Variants in PSME4 observed in about 807,000 individuals in gnomAD.
The protein encoded by PSME4 is proteasome activator complex subunit 4.
In PSME4, 89 loss-of-function variants were observed where a neutral mutation model predicts 253.9. The ratio of observed to expected loss-of-function variants is 0.35; its 90% CI spans 0.30 to 0.42. The LOEUF (loss-of-function observed/expected upper bound fraction) is 0.42. PSME4 is among the 10% of genes least tolerant of loss of function. PSME4 has a pLI of 1.00. For missense variants in PSME4, 2,014 were observed against 2,195.2 expected (o/e 0.92, Z 1.65); for synonymous variants, 851 against 759.2 (o/e 1.12, Z -1.99).
intron 43 of PSME4, among the ~76,000 whole-genome samples, chr2:53,872,914 G>A (rs1573189480): frequency 6.6e-6 from 1 of 150,882 alleles, no homozygotes; most frequent in South Asian, 2.1e-4. Context: ...AAAAATCACA[G>A]CTGTAAATAT....
At chr2:53,951,244 G>A (rs746777202) in intron 1 of PSME4, among the ~76,000 whole-genome samples, 2 of 152,046 alleles carry the variant, frequency 1.3e-5, no homozygotes, top group African/African-American at 4.8e-5. Context: ...CACCACGCCC[G>A]GCTAATTTTT....
chr2:53,969,103 AG>A (rs1255165710), intron 1 of PSME4, among the ~76,000 whole-genome samples: 1 of 152,218 alleles, frequency 6.6e-6, no homozygotes. Flanking sequence ...AAAACCTAGG[AG>A]TCTCACTTGA....
intron 41 of PSME4, among the ~76,000 whole-genome samples, chr2:53,882,875 T>C (rs576907541): frequency 6.7e-6 from 1 of 149,292 alleles, no homozygotes; most frequent in South Asian, 2.1e-4. Flanking sequence ...AACAACTGTG[T>C]AGGAAAATAA....
rs1669179586 is a variant in PSME4, at chr2:53,937,545, T to C, written c.546-5A>G. The C allele has an allele frequency of 1.2e-6, 2 of 1,607,798 alleles. No homozygotes were observed. Among genetic ancestry groups the C allele is most frequent in the African/African-American group, 1.3e-5 (1 of 74,318 alleles). ...GTGGCATCTGCTGGAAAATATCTAA[T>C]AAAAAAAGAAGGTTTTCATGTATCT... On this transcript the variant is annotated splice_polypyrimidine_tract_variant and splice_region_variant and intron_variant, in intron 4 of 46. Coordinates refer to ENST00000404125, the MANE Select transcript of PSME4 (RefSeq NM_014614.3).
intron 41 of PSME4, among the ~76,000 whole-genome samples, chr2:53,882,373 C>T (rs1422674043): frequency 1.3e-5 from 2 of 152,150 alleles, no homozygotes; most frequent in Non-Finnish European, 1.5e-5. Flanking sequence ...AATTTAAACT[C>T]TTGCTATTTG....
chr2:53,932,192 A>T, intron 9 of PSME4, 92 bp from the exon 10 acceptor site: 1 of 1,189,894 alleles, frequency 8.4e-7, no homozygotes, highest in South Asian at 1.5e-5. Flanking sequence ...AAAAGATTTT[A>T]AAAATAACAG....
intron 43 of PSME4, among the ~76,000 whole-genome samples, chr2:53,873,389 TA>T (rs562781407): frequency 1.1e-3 from 161 of 152,284 alleles, no homozygotes; most frequent in African/African-American, 3.6e-3. Flanking sequence ...GAGTAAAATC[TA>T]TTTTCAATAC....
chr2:53,943,658 T>C (rs897493966), intron 3 of PSME4, among the ~76,000 whole-genome samples: 3 of 151,912 alleles, frequency 2.0e-5, no homozygotes, highest in Admixed American at 2.0e-4. Context: ...CTGGCCAACA[T>C]GATGAAACCC....
intron 32 of PSME4, among the ~76,000 whole-genome samples, chr2:53,896,293 T>C (rs1182243356): frequency 1.3e-5 from 2 of 152,158 alleles, no homozygotes; most frequent in Non-Finnish European, 1.5e-5. Flanking sequence ...GTACTTTATA[T>C]GAAAAAAATT....
intron 42 of PSME4, among the ~76,000 whole-genome samples, chr2:53,874,860 G>A (rs550619646): frequency 2.0e-5 from 3 of 152,226 alleles, no homozygotes; most frequent in Non-Finnish European, 4.4e-5. Flanking sequence ...CAAGAGAATC[G>A]CATGAACCTG....
intron 24 of PSME4, 178 bp downstream of exon 24, chr2:53,908,142 T>C (rs906561579): frequency 7.2e-6 from 4 of 552,294 alleles, no homozygotes; most frequent in African/African-American, 1.9e-5. Flanking sequence ...AAGAAAAATA[T>C]ATTTTTTGCT....
intron 36 of PSME4, among the ~76,000 whole-genome samples, chr2:53,891,269 A>AT (rs1034977151): frequency 6.6e-6 from 1 of 152,196 alleles, no homozygotes; most frequent in Admixed American, 6.5e-5. Flanking sequence ...CAGAGACTGC[A>AT]TTTACACACA....
intron 41 of PSME4, among the ~76,000 whole-genome samples, chr2:53,882,795 C>T (rs180701080): frequency 2.6e-5 from 4 of 151,882 alleles, no homozygotes; most frequent in Admixed American, 6.6e-5. Flanking sequence ...GACATGGAAA[C>T]GTACATACAA....
At position 53,923,423 on chromosome 2, in the gene PSME4, T is replaced by C. The variant is rs1205949663; in HGVS notation, c.1810-4A>G. On this transcript the variant is annotated splice_region_variant and splice_polypyrimidine_tract_variant and intron_variant, in intron 14 of 46. Transcript: ENST00000404125. ...TAAAAACCTTCTGAAGGGCCACCTG[T>C]TAAGATATGAAAATGTTTAATGAGC... 1.3e-6 allele frequency: 2 copies of C among 1,587,166 alleles called. No homozygotes were observed. The highest frequency in any genetic ancestry group is 1.7e-6 in the Non-Finnish European group (2 of 1,171,368).
At chr2:53,875,541 G>A (rs987216295) in intron 42 of PSME4, 86 bp downstream of exon 42, 29 of 1,268,050 alleles carry the variant, frequency 2.3e-5, no homozygotes, top group African/African-American at 7.7e-5. Flanking sequence ...AAAACTAGGC[G>A]CTGTGTGCAC....
chr2:53,967,861 A>G (rs144358734), intron 1 of PSME4, among the ~76,000 whole-genome samples: 235 of 152,210 alleles, frequency 1.5e-3, no homozygotes, highest in African/African-American at 5.4e-3. Flanking sequence ...AACTGTTTCC[A>G]GTATTTTACA....
At chr2:53,928,054 T>A in intron 11 of PSME4, 63 bp downstream of exon 11, 1 of 1,322,668 alleles carries the variant, frequency 7.6e-7, no homozygotes, top group African/African-American at 1.5e-5. Flanking sequence ...CAACCTTTTG[T>A]CACTGAGAAG....
chr2:53,961,084 G>T (rs1374974098), intron 1 of PSME4, among the ~76,000 whole-genome samples: 2 of 152,190 alleles, frequency 1.3e-5, no homozygotes, highest in African/African-American at 4.8e-5. Flanking sequence ...TCCAGCCTGG[G>T]TGACAGAGCA....
At chr2:53,919,497 CA>C (rs1328648818) in intron 19 of PSME4, among the ~76,000 whole-genome samples, 1 of 152,154 alleles carries the variant, frequency 6.6e-6, no homozygotes, top group African/African-American at 2.4e-5. Context: ...CTTTGTGAAA[CA>C]ACTGTTAATT....
Sources: gnomAD v4.1 joint callset for allele counts (sites outside exome capture counted in the v4.1 genomes callset) on GRCh38, gnomAD v4.1.1 for gene constraint, MANE v1.5 for transcripts, NCBI Gene and HGNC (gene_info 2026-07-23, HGNC 2026-07-21) for gene names.